Variants in PRMT7 observed in about 807,000 individuals in gnomAD.
PRMT7 encodes the protein protein arginine N-methyltransferase 7.
A neutral mutation model predicts 85.4 loss-of-function variants in PRMT7; 75 were observed. That is an observed-to-expected ratio of 0.88 (90% CI 0.73 to 1.06). PRMT7 has a LOEUF of 1.06. PRMT7 is among the 50% of genes least tolerant of loss of function. PRMT7 has a pLI of 0.00. For missense variants in PRMT7, 868 were observed against 915.2 expected (o/e 0.95, Z 0.67); for synonymous variants, 397 against 359.5 (o/e 1.10, Z -1.18).
Position 68,339,917 on chromosome 16 carries a change from C to T in PRMT7, c.876C>T (p.Ile292=). Residue 292 remains isoleucine, a synonymous_variant, in exon 9 of 19, where the codon ATC becomes ATT. Coordinates refer to ENST00000441236, the MANE Select transcript of PRMT7 (RefSeq NM_019023.5). ...TTGAAATGGACCCTGAGGGGAAGAT[C>T]AAGTGCACCATGGCCCCCTTCTGGG... The part of the protein sequence containing the change: ...WDIEMDPEGK[I]KCTMAPFWAH... 1.2e-6 allele frequency: 2 copies of T among 1,614,144 alleles called. No individual in the cohort carries two copies. The highest frequency in any genetic ancestry group is 1.7e-6 in the Non-Finnish European group (2 of 1,180,008).
At chr16:68,317,889 C>T (rs2082059038) in intron 3 of PRMT7, among the ~76,000 whole-genome samples, 1 of 151,334 alleles carries the variant, frequency 6.6e-6, no homozygotes, top group South Asian at 2.1e-4. Context: ...TGGGGAGCAG[C>T]TAGCAGTTTA....
chr16:68,327,772 A>T (rs986235708), intron 5 of PRMT7, among the ~76,000 whole-genome samples: 10 of 151,016 alleles, frequency 6.6e-5, no homozygotes, highest in Admixed American at 1.3e-4. Flanking sequence ...ACATGGCAAA[A>T]CCCCGCCTCT....
intron 11 of PRMT7, 42 bp from the exon 12 acceptor site, chr16:68,347,169 A>T (rs1567721468): frequency 1.3e-6 from 2 of 1,536,958 alleles, no homozygotes; most frequent in Non-Finnish European, 1.8e-6. Flanking sequence ...TCTTCTGGCA[A>T]ACTGGAGGAA....
chr16:68,331,928 G>A (rs1158686165), intron 6 of PRMT7, among the ~76,000 whole-genome samples: 1 of 151,838 alleles, frequency 6.6e-6, no homozygotes, highest in African/African-American at 2.4e-5. Context: ...TGTTTTTTCT[G>A]GGTTTGTTCT....
rs751793594 is a variant in PRMT7, at chr16:68,357,158, A to AGT, written c.2015_2016dup (p.Glu673TrpfsTer25). ...GTGGCCCACGGACTGTCAGCTATGC[A>AGT]GTGGAGTTTCACCCCGACACAGGCG... On this transcript the variant is annotated frameshift_variant, in exon 19 of 19. Transcript: ENST00000441236. LOFTEE classifies it high-confidence loss of function. 2.5e-6 allele frequency: 4 copies of AGT among 1,614,018 alleles called. No homozygotes were observed. The highest frequency in any genetic ancestry group is 3.4e-6 in the Non-Finnish European group (4 of 1,180,022).
intron 4 of PRMT7, 51 bp downstream of exon 4, chr16:68,321,513 G>A (rs2082495775): frequency 3.3e-6 from 5 of 1,521,698 alleles, no homozygotes; most frequent in Non-Finnish European, 4.5e-6. Context: ...TTGAAGTCTT[G>A]GATTACAAGA....
intron 6 of PRMT7, among the ~76,000 whole-genome samples, chr16:68,336,130 GCT>G (rs1041970340): frequency 2.0e-5 from 3 of 152,188 alleles, no homozygotes; most frequent in Non-Finnish European, 4.4e-5. Flanking sequence ...TGAGACTTGT[GCT>G]CTGTGTAGGG....
chr16:68,359,631 A>G (rs2089115831), downstream of PRMT7: 1 of 152,726 alleles, frequency 6.5e-6, no homozygotes, highest in African/African-American at 2.4e-5. Flanking sequence ...GACAGCAGAC[A>G]GCAGGTCCTG....
chr16:68,345,192 C>T (rs1425080497), intron 9 of PRMT7, among the ~76,000 whole-genome samples: 1 of 152,194 alleles, frequency 6.6e-6, no homozygotes, highest in Non-Finnish European at 1.5e-5. Context: ...TTTCCTCAGT[C>T]TACGATCCAG....
At chr16:68,356,889 T>C (rs1342229387) in intron 18 of PRMT7, 92 bp downstream of exon 18, 12 of 1,415,238 alleles carry the variant, frequency 8.5e-6, no homozygotes, top group African/African-American at 1.4e-5. Context: ...TCTGGGTGTT[T>C]CTGTCACAAG....
chr16:68,322,187 G>A (rs1213538293), intron 4 of PRMT7, among the ~76,000 whole-genome samples: 1 of 152,080 alleles, frequency 6.6e-6, no homozygotes. Flanking sequence ...GGCCTTCACT[G>A]TAGTTTTAAT....
At chr16:68,343,687 T>C (rs2085887584) in intron 9 of PRMT7, among the ~76,000 whole-genome samples, 1 of 152,244 alleles carries the variant, frequency 6.6e-6, no homozygotes, top group Non-Finnish European at 1.5e-5. Flanking sequence ...TTGCATAGTG[T>C]GGGAATGAAT....
Position 68,311,021 on chromosome 16 carries a change from C to T in PRMT7, c.-297C>T, listed in dbSNP as rs1335251446. 5 of 1,130,564 alleles carry T rather than the reference C, an allele frequency of 4.4e-6. No individual in the cohort carries two copies. Among genetic ancestry groups the T allele is most frequent in the East Asian group, 2.6e-5 (1 of 39,080 alleles). The allele number at this position is 1,130,564 out of a possible 1,614,324, so 70.0% of individuals were successfully genotyped here. On this transcript the variant is annotated 5_prime_UTR_variant, in exon 1 of 19. The change creates a new upstream start codon in the 5' untranslated region. Coordinates refer to ENST00000441236, the MANE Select transcript of PRMT7 (RefSeq NM_019023.5). ...ACCCGCCCCCCAGCACGCTCCTCGA[C>T]GCTGCGAGGTCCCGCCCCGCGTGCT...
rs898968482 is a variant in PRMT7 at position 68,311,053 on chromosome 16, G to T, written c.-265G>T. 4 of 857,168 alleles carry T rather than the reference G, an allele frequency of 4.7e-6. No individual in the cohort carries two copies. Among genetic ancestry groups the T allele is most frequent in the African/African-American group, 1.7e-5 (1 of 60,058 alleles). 53.1% of individuals were successfully genotyped at this position (857,168 alleles called of 1,614,324 possible). ...AGGTCCCGCCCCGCGTGCTGGCCGC[G>T]GTAAAAGTGGTAGCAGCGGAGGCGA... On this transcript the variant is annotated 5_prime_UTR_variant, in exon 1 of 19. Coordinates refer to ENST00000441236, the MANE Select transcript of PRMT7 (RefSeq NM_019023.5).
intron 6 of PRMT7, among the ~76,000 whole-genome samples, chr16:68,330,172 G>A (rs1018643689): frequency 9.9e-5 from 15 of 152,184 alleles, no homozygotes; most frequent in African/African-American, 3.4e-4. Flanking sequence ...AGGATTATAA[G>A]CGTGAGCCAC....
At chr16:68,316,112 G>T in intron 3 of PRMT7, 38 bp downstream of exon 3, 1 of 1,570,328 alleles carries the variant, frequency 6.4e-7, no homozygotes, top group South Asian at 1.1e-5. Context: ...AGCTGGGTGG[G>T]GCACTTGATC....
At chr16:68,315,874 C>T (rs549990955) in intron 2 of PRMT7, 23 bp from the exon 3 acceptor site, 1 of 902,916 alleles carries the variant, frequency 1.1e-6, no homozygotes, top group Non-Finnish European at 1.8e-6. Context: ...TATATACCTC[C>T]TGTTTCCTTC....
At chr16:68,346,386 C>T (rs568767623) in intron 11 of PRMT7, 106 bp downstream of exon 11, 23 of 1,530,868 alleles carry the variant, frequency 1.5e-5, no homozygotes, top group South Asian at 2.4e-5. Flanking sequence ...CCTGTGTCCT[C>T]TTGTCTATGA....
Position 68,357,152 on chromosome 16 carries a change from CT to C in PRMT7, c.2008del (p.Tyr670MetfsTer27). The C allele has an allele frequency of 1.2e-6, 2 of 1,614,040 alleles. No individual in the cohort carries two copies. Among genetic ancestry groups the C allele is most frequent in the South Asian group, 2.2e-5 (2 of 91,088 alleles). ...ALLGGPRTVS[Y>X]AVEFHPDTGD... The stretch of plus-strand genomic sequence containing the variant: ...TGCTGGGTGGCCCACGGACTGTCAG[CT>C]ATGCAGTGGAGTTTCACCCCGACAC... On this transcript the variant is annotated frameshift_variant, in exon 19 of 19. Coordinates refer to ENST00000441236, the MANE Select transcript of PRMT7 (RefSeq NM_019023.5). LOFTEE classifies it high-confidence loss of function.
Sources: allele counts gnomAD v4.1 joint callset (sites outside exome capture counted in the v4.1 genomes callset), GRCh38; gene constraint gnomAD v4.1.1; transcripts MANE v1.5; gene names NCBI Gene and HGNC (gene_info 2026-07-23, HGNC 2026-07-21).